Variants in SNX30 observed in about 807,000 individuals in gnomAD.
The protein encoded by SNX30 is sorting nexin family member 30.
Under a neutral mutation model 46.4 loss-of-function variants are expected in SNX30, and 24 were observed. The ratio of observed to expected loss-of-function variants is 0.52; its 90% CI spans 0.37 to 0.73. The LOEUF (loss-of-function observed/expected upper bound fraction) is 0.73, where lower values mean the gene tolerates loss of function less well. Among genes scored for constraint, SNX30 ranks in the 30% least tolerant of loss-of-function variants. SNX30 has a pLI of 0.00. For synonymous variants in SNX30, 189 were observed against 211.5 expected (o/e 0.89, Z 0.92); for missense variants, 533 against 555.7 (o/e 0.96, Z 0.41).
In SNX30 at chr9:112,750,934, G is replaced by A; in HGVS notation, c.-68G>A. 1 of 1,169,344 alleles carries A rather than the reference G, an allele frequency of 8.6e-7. No homozygotes were observed. The highest frequency in any genetic ancestry group is 1.1e-6 in the Non-Finnish European group (1 of 948,590). 72.4% of individuals were successfully genotyped at this position (1,169,344 alleles called of 1,614,324 possible). A position where few individuals can be genotyped will look rare whatever the true frequency, so the allele number is the denominator to read the frequency against. On this transcript the variant is annotated 5_prime_UTR_variant, in exon 1 of 9. Transcript: ENST00000374232. ...GGCCGAGCGGGGCTCGGCCCGGGGT[G>A]CTCGGGGAGCTCGCCGCGGCGGGCA...
At chr9:112,762,510 C>G (rs2131352484) in intron 1 of SNX30, among the ~76,000 whole-genome samples, 1 of 150,962 alleles carries the variant, frequency 6.6e-6, no homozygotes, top group South Asian at 2.1e-4. Flanking sequence ...GTGAAAAATG[C>G]TGCATGTATT....
intron 8 of SNX30, among the ~76,000 whole-genome samples, chr9:112,865,665 A>ATATATATATATATG (rs1841323431): frequency 8.9e-6 from 1 of 112,912 alleles, no homozygotes; most frequent in Non-Finnish European, 1.8e-5. Context: ...ATATATATGT[A>ATATATATATATATG]TGTATGTATG....
chr9:112,765,975 T>C (rs964841646), intron 1 of SNX30, among the ~76,000 whole-genome samples: 2 of 152,136 alleles, frequency 1.3e-5, no homozygotes, highest in African/African-American at 4.8e-5. Flanking sequence ...GGCTGATTTT[T>C]GTATTTTTAG....
chr9:112,854,487 C>T (rs1841087732), intron 7 of SNX30, among the ~76,000 whole-genome samples: 3 of 152,260 alleles, frequency 2.0e-5, no homozygotes, highest in Admixed American at 2.0e-4. Flanking sequence ...CCTGAACACA[C>T]ATCTGCGATC....
chr9:112,830,728 C>A lies in SNX30; in HGVS notation c.463C>A (p.Leu155Ile). 1.2e-6 allele frequency: 2 copies of A among 1,608,892 alleles called. No individual in the cohort carries two copies. Among genetic ancestry groups the A allele is most frequent in the Non-Finnish European group, 1.7e-6 (2 of 1,178,724 alleles). ...TTTTTTCTTCATGTCTTCATAGCCTCTTCCCGAGAAGTTTGTGGTAAAAGG... is the reference window on the plus strand; with the variant it reads ...TTTTTTCTTCATGTCTTCATAGCCTATTCCCGAGAAGTTTGTGGTAAAAGG... ...ESQPTHLIPP[L>I]PEKFVVKGVV... Residue 155 changes from leucine to isoleucine, a missense_variant, in exon 4 of 9, where the codon CTT becomes ATT. Leu to Ile is a conservative substitution (Grantham distance 5). Transcript: ENST00000374232.
intron 7 of SNX30, among the ~76,000 whole-genome samples, chr9:112,853,896 G>C (rs989245014): frequency 6.6e-6 from 1 of 152,222 alleles, no homozygotes; most frequent in Non-Finnish European, 1.5e-5. Context: ...GTAATTTTAT[G>C]TGTCAGTTAA....
intron 1 of SNX30, among the ~76,000 whole-genome samples, chr9:112,754,362 G>A (rs970464582): frequency 6.6e-6 from 1 of 150,566 alleles, no homozygotes; most frequent in Non-Finnish European, 1.5e-5. Flanking sequence ...TCTACCAGAG[G>A]TTGCCAGGAC....
chr9:112,831,635 G>A (rs1264077778), intron 4 of SNX30, among the ~76,000 whole-genome samples: 1 of 152,216 alleles, frequency 6.6e-6, no homozygotes, highest in African/African-American at 2.4e-5. Flanking sequence ...AGGCCACACC[G>A]TCCCTGTGTA....
intron 2 of SNX30, 47 bp from the exon 3 acceptor site, chr9:112,817,658 A>G: frequency 8.9e-7 from 1 of 1,121,330 alleles, no homozygotes; most frequent in African/African-American, 1.5e-5. Context: ...TTCAGCCAAG[A>G]TATGCTATTC....
intron 1 of SNX30, among the ~76,000 whole-genome samples, chr9:112,755,631 A>G (rs1839336732): frequency 6.6e-6 from 1 of 151,696 alleles, no homozygotes; most frequent in Admixed American, 6.6e-5. Context: ...AGGATTCTTT[A>G]TTAGTTAAAA....
intron 1 of SNX30, among the ~76,000 whole-genome samples, chr9:112,791,514 C>T (rs1027267386): frequency 1.5e-5 from 2 of 136,944 alleles, no homozygotes; most frequent in Admixed American, 8.5e-5. Context: ...TGGGTTCAAG[C>T]GATTCTCCTG....
At position 112,751,120 on chromosome 9, in the gene SNX30, G is replaced by T; in HGVS notation, c.119G>T (p.Ser40Ile). Residue 40 changes from serine to isoleucine, a missense_variant, in exon 1 of 9, where the codon AGC becomes ATC. Coordinates refer to ENST00000374232, the MANE Select transcript of SNX30 (RefSeq NM_001012994.2). Reference sequence around the variant, plus strand: ...GCCGTGGGTGGTGACAGCACGCCCAGCCCGGACCTGCTGATGGCCCGCAGC... The same window carrying T: ...GCCGTGGGTGGTGACAGCACGCCCATCCCGGACCTGCTGATGGCCCGCAGC... ...EEAVGGDSTP[S>I]PDLLMARSFG... 3 of 1,513,582 alleles carry T rather than the reference G, an allele frequency of 2.0e-6. No homozygotes were observed. Among genetic ancestry groups the T allele is most frequent in the Non-Finnish European group, 1.8e-6 (2 of 1,139,342 alleles). The allele number at this position is 1,513,582 out of a possible 1,614,324, so 93.8% of individuals were successfully genotyped here.
chr9:112,779,212 C>T (rs1418933989), intron 1 of SNX30, among the ~76,000 whole-genome samples: 2 of 152,168 alleles, frequency 1.3e-5, no homozygotes, highest in East Asian at 1.9e-4. Context: ...AATGTATTAG[C>T]GGGACATTTA....
At chr9:112,794,839 G>A (rs576316795) in intron 1 of SNX30, among the ~76,000 whole-genome samples, 1 of 152,282 alleles carries the variant, frequency 6.6e-6, no homozygotes, top group East Asian at 1.9e-4. Context: ...AGAGGAGTTT[G>A]TAAAGCAACC....
At chr9:112,848,029 T>C (rs1439061689) in intron 6 of SNX30, among the ~76,000 whole-genome samples, 1 of 152,146 alleles carries the variant, frequency 6.6e-6, no homozygotes, top group Non-Finnish European at 1.5e-5. Flanking sequence ...TGAAGATGTA[T>C]GAAGGCAGGG....
chr9:112,843,626 C>CTTTTTTTTT (rs35950913), intron 6 of SNX30, among the ~76,000 whole-genome samples: 6 of 105,236 alleles, frequency 5.7e-5, no homozygotes, highest in African/African-American at 1.8e-4. Context: ...CCTGCAGTAG[C>CTTTTTTTTT]TTTTTTTTTT....
At chr9:112,851,460 G>A (rs888295842) in intron 7 of SNX30, among the ~76,000 whole-genome samples, 1 of 152,216 alleles carries the variant, frequency 6.6e-6, no homozygotes, top group Non-Finnish European at 1.5e-5. Context: ...TGCACGGCAG[G>A]ACTACAGCTT....
chr9:112,805,226 T>G (rs922729477), intron 2 of SNX30, among the ~76,000 whole-genome samples: 31 of 131,748 alleles, frequency 2.4e-4, no homozygotes, highest in African/African-American at 6.9e-4. Context: ...GCGCTTATTT[T>G]TTTTTTTACC....
At chr9:112,759,085 C>T (rs1346698471) in intron 1 of SNX30, among the ~76,000 whole-genome samples, 3 of 152,056 alleles carry the variant, frequency 2.0e-5, no homozygotes, top group Admixed American at 1.3e-4. Context: ...AGGCTGGTCT[C>T]GAACTCCTGG....
Sources: gnomAD v4.1 joint callset for allele counts (sites outside exome capture counted in the v4.1 genomes callset) on GRCh38, gnomAD v4.1.1 for gene constraint, MANE v1.5 for transcripts, NCBI Gene and HGNC (gene_info 2026-07-23, HGNC 2026-07-21) for gene names.